Variants in TBCD observed in about 807,000 individuals in gnomAD.
TBCD encodes tubulin-specific chaperone D.
In TBCD, 105 loss-of-function variants were observed where a neutral mutation model predicts 169.3. That is an observed-to-expected ratio of 0.62 (90% CI 0.53 to 0.73). The LOEUF is 0.73. Ranked by LOEUF, TBCD falls within the 30% of genes least tolerant of loss-of-function variation. The pLI, the probability that TBCD is intolerant of heterozygous loss-of-function variation, is 0.00. For synonymous variants in TBCD, 700 were observed against 643.9 expected (o/e 1.09, Z -1.32); for missense variants, 1,444 against 1,600.1 (o/e 0.90, Z 1.66).
At chr17:82,766,144 T>C (rs1598403381) in intron 3 of TBCD, 123 bp from the exon 4 acceptor site, 1 of 761,206 alleles carries the variant, frequency 1.3e-6, no homozygotes, top group Non-Finnish European at 2.2e-6. Flanking sequence ...CACTGTAATG[T>C]CACAGAATTC....
chr17:82,858,599 G>A lies in TBCD; in HGVS notation c.1319-11625G>A, dbSNP rs929780621. ...CTGTTGATGACAGTGCTGTGTGGAC[G>A]GCCTGGTTCGCTGGGTGTGCCTCAC... On this transcript the variant is annotated intron_variant, in intron 13 of 38. Coordinates refer to ENST00000355528, the MANE Select transcript of TBCD (RefSeq NM_005993.5). 7.1e-6 allele frequency: 7 copies of A among 985,304 alleles called. No individual in the cohort carries two copies. The African/African-American group carries it at 1.0e-4, about 15-fold the overall frequency. 61.0% of individuals were successfully genotyped at this position (985,304 alleles called of 1,614,324 possible). A position where few individuals can be genotyped will look rare whatever the true frequency, so the allele number is the denominator to read the frequency against.
chr17:82,932,966 C>T (rs190517443), intron 34 of TBCD: 1 of 542,588 alleles, frequency 1.8e-6, no homozygotes, highest in African/African-American at 1.9e-5. Context: ...TCAGCCCCAT[C>T]TGGGGCTGAG....
rs147228040 is a variant in TBCD at position 82,931,147 on chromosome 17, T to C, written c.3113+504T>C. Among the ~76,000 whole-genome samples, 225 of 152,330 alleles carry C rather than the reference T, an allele frequency of 1.5e-3. 2 individuals are homozygous for C. The highest frequency in any genetic ancestry group is 2.7e-3 in the Non-Finnish European group (185 of 68,032). ...TGACCTCAGAATTGGGAACATCCTCTGGAAGGGTTGTTCCCAGCATGTGCG... is the reference window on the plus strand; with the variant it reads ...TGACCTCAGAATTGGGAACATCCTCCGGAAGGGTTGTTCCCAGCATGTGCG... On this transcript the variant is annotated intron_variant, in intron 33 of 38. Coordinates refer to ENST00000355528, the MANE Select transcript of TBCD (RefSeq NM_005993.5).
At chr17:82,767,627 A>C (rs1257438530) in intron 4 of TBCD, among the ~76,000 whole-genome samples, 2 of 151,780 alleles carry the variant, frequency 1.3e-5, no homozygotes, top group Non-Finnish European at 2.9e-5. Context: ...TTTTAGTAGA[A>C]ACAGGGTTTC....
intron 14 of TBCD, among the ~76,000 whole-genome samples, chr17:82,882,320 C>T (rs1433324581): frequency 6.6e-6 from 1 of 152,242 alleles, no homozygotes; most frequent in Admixed American, 6.5e-5. Context: ...AGCCCATTCC[C>T]CCCCAGCCCC....
At position 82,887,168 on chromosome 17, in the gene TBCD, T is replaced by TGTGTGCGCGCGCGCGC; in HGVS notation, c.1534-2499_1534-2498insTGTGCGCGCGCGCGCG. 4.7e-3 allele frequency among the ~76,000 whole-genome samples: 598 copies of TGTGTGCGCGCGCGCGC among 126,076 alleles called. 1 individual carries two copies. The highest frequency in any genetic ancestry group is 7.8e-3 in the Non-Finnish European group (469 of 59,836). 82.7% of individuals were successfully genotyped at this position (126,076 alleles called of 152,430 possible). A position where few individuals can be genotyped will look rare whatever the true frequency, so the allele number is the denominator to read the frequency against. Reference sequence around the variant, plus strand: ...GTGTGTGTGTGTGTGTGTGTGTGTGTGCGCGCGCGCGCACGTGCGCTCACG... The same window carrying TGTGTGCGCGCGCGCGC: ...GTGTGTGTGTGTGTGTGTGTGTGTGTGTGTGCGCGCGCGCGCGCGCGCGCGCGCACGTGCGCTCACG... On this transcript the variant is annotated intron_variant, in intron 15 of 38. Transcript: ENST00000355528.
At chr17:82,826,675 C>A (rs2052876927) in intron 13 of TBCD, among the ~76,000 whole-genome samples, 1 of 152,204 alleles carries the variant, frequency 6.6e-6, no homozygotes, top group Non-Finnish European at 1.5e-5. Flanking sequence ...CTCAGCCTCC[C>A]AAAGTGCTGG....
chr17:82,906,078 A>T lies in TBCD; in HGVS notation c.1922+25A>T, dbSNP rs1179016354. On this transcript the variant is annotated intron_variant, in intron 20 of 38. Coordinates refer to ENST00000355528, the MANE Select transcript of TBCD (RefSeq NM_005993.5). ...GGTAGGAAGAGTGGGTCTCGAGGAGACACAGGGCTCTGTCCCTGATCCCCT... is the reference window on the plus strand; with the variant it reads ...GGTAGGAAGAGTGGGTCTCGAGGAGTCACAGGGCTCTGTCCCTGATCCCCT... 6 of 1,545,984 alleles carry T rather than the reference A, an allele frequency of 3.9e-6. No homozygotes were observed. In the South Asian group the frequency reaches 4.7e-5, roughly 12 times the overall value.
At chr17:82,770,995 C>T (rs995926542) in intron 5 of TBCD, among the ~76,000 whole-genome samples, 3 of 144,642 alleles carry the variant, frequency 2.1e-5, no homozygotes, top group Non-Finnish European at 3.0e-5. Flanking sequence ...TTGCAGTGAG[C>T]CAAGATTGCA....
In TBCD at chr17:82,849,785, G is replaced by A. The variant is rs538083326; in HGVS notation, c.1319-20439G>A. Reference sequence around the variant, plus strand: ...CCTCAGCCAGGCAGGACCTTCTGCTGGAACCCCCTTCCCTGGTAGTCCTCG... The same window carrying A: ...CCTCAGCCAGGCAGGACCTTCTGCTAGAACCCCCTTCCCTGGTAGTCCTCG... On this transcript the variant is annotated intron_variant, in intron 13 of 38. Coordinates refer to ENST00000355528, the MANE Select transcript of TBCD (RefSeq NM_005993.5). 5.3e-5 allele frequency among the ~76,000 whole-genome samples: 8 copies of A among 152,372 alleles called. No homozygotes were observed. In the East Asian group the frequency reaches 1.3e-3, roughly 26 times the overall value.
Position 82,832,961 on chromosome 17 carries a change from C to T in TBCD, c.1318+18027C>T, listed in dbSNP as rs74002543. ...TAAGCCTTTGAGTTTTGGGAACTTT[C>T]ATCCTGTGACCTGGACCTTTCCTCG... is the stretch of plus-strand genomic sequence containing the variant. On this transcript the variant is annotated intron_variant, in intron 13 of 38. Transcript: ENST00000355528. The surrounding 1 kb of genome is among the most constrained non-coding windows in gnomAD (Gnocchi z 4.9). Among the ~76,000 whole-genome samples, 1,565 of 152,298 alleles carry T rather than the reference C, an allele frequency of 0.01. 23 individuals are homozygous for T. Among genetic ancestry groups the T allele is most frequent in the African/African-American group, 0.035 (1,458 of 41,556 alleles).
rs1443507202 is a variant in TBCD at position 82,943,127 on chromosome 17, G to C, written c.*664G>C. On this transcript the variant is annotated 3_prime_UTR_variant, in exon 39 of 39. Coordinates refer to ENST00000355528, the MANE Select transcript of TBCD (RefSeq NM_005993.5). ...ACAAATGTCTGCTGCAAGGGGAATCGTCAGAGTCCAATGTGTGCCTCTACA... is the reference window on the plus strand; with the variant it reads ...ACAAATGTCTGCTGCAAGGGGAATCCTCAGAGTCCAATGTGTGCCTCTACA... The C allele has an allele frequency of 6.5e-6, 1 of 152,814 alleles. No homozygotes were observed. The highest frequency in any genetic ancestry group is 1.5e-5 in the Non-Finnish European group (1 of 68,494). 9.5% of individuals were successfully genotyped at this position (152,814 alleles called of 1,614,324 possible).
chr17:82,855,235 CTTTTTTTTTTTTTT>C lies in TBCD; in HGVS notation c.1319-14966_1319-14953del, dbSNP rs58346723. On this transcript the variant is annotated intron_variant, in intron 13 of 38. Coordinates refer to ENST00000355528, the MANE Select transcript of TBCD (RefSeq NM_005993.5). ...CCAGAGGGGCAGGGAAAGGTGTTTG[CTTTTTTTTTTTTTT>C]TTTTTTTTTTTTTTTTTTTTTTAAT... Among the ~76,000 whole-genome samples the C allele has an allele frequency of 3.7e-4, 20 of 54,030 alleles. No individual in the cohort carries two copies. The South Asian group carries it at 7.7e-3, about 21-fold the overall frequency. The allele number at this position is 54,030 out of a possible 152,430, so 35.4% of individuals were successfully genotyped here. A position where few individuals can be genotyped will look rare whatever the true frequency, so the allele number is the denominator to read the frequency against.
At chr17:82,908,108 G>A (rs982615741) in intron 21 of TBCD, among the ~76,000 whole-genome samples, 2 of 152,258 alleles carry the variant, frequency 1.3e-5, no homozygotes, top group African/African-American at 4.8e-5. Flanking sequence ...GGTCTCTGAG[G>A]AAGGCTTATG....
intron 7 of TBCD, chr17:82,795,361 C>T (rs189166894): frequency 1.6e-4 from 27 of 168,128 alleles, no homozygotes; most frequent in East Asian, 7.6e-4. Context: ...CCGGGGAACA[C>T]GGTAGCCTGT....
At chr17:82,928,068 G>C (rs762015279) in intron 30 of TBCD, 80 bp downstream of exon 30, 156 of 1,296,546 alleles carry the variant, frequency 1.2e-4, no homozygotes, top group Non-Finnish European at 1.7e-4. Flanking sequence ...GGCGGTCCTG[G>C]TGCTCAGTGG....
chr17:82,916,755 A>C (rs2061064689), intron 23 of TBCD, among the ~76,000 whole-genome samples: 2 of 152,130 alleles, frequency 1.3e-5, no homozygotes, highest in South Asian at 4.1e-4. Context: ...TGATATTCCT[A>C]GAACAAGTTC....
chr17:82,882,911 C>T (rs541134437), intron 14 of TBCD, among the ~76,000 whole-genome samples: 13 of 152,254 alleles, frequency 8.5e-5, no homozygotes, highest in Middle Eastern at 3.4e-3. Context: ...TGACGGTGTC[C>T]GCGCTGCCAG....
intron 13 of TBCD, chr17:82,859,798 T>TG (rs1207966535): frequency 2.0e-6 from 2 of 985,336 alleles, no homozygotes; most frequent in African/African-American, 3.5e-5. Context: ...CTGTCCTGCC[T>TG]GTTCATGGCA....
Sources: gnomAD v4.1 joint callset for allele counts (sites outside exome capture counted in the v4.1 genomes callset) on GRCh38, gnomAD v4.1.1 for gene constraint, Gnocchi (gnomAD v3.1) non-coding constraint, MANE v1.5 for transcripts, NCBI Gene and HGNC (gene_info 2026-07-23, HGNC 2026-07-21) for gene names.